CDHR3: variants seen among roughly 807,000 people sequenced by gnomAD.
CDHR3 encodes cadherin related family member 3, also known as cadherin-related family member 3.
A neutral mutation model predicts 86.6 loss-of-function variants in CDHR3; 79 were observed. The observed-to-expected ratio is 0.91, with a 90% CI of 0.76 to 1.10. The LOEUF (loss-of-function observed/expected upper bound fraction) is 1.10. Ranked by LOEUF, CDHR3 falls within the 50% of genes least tolerant of loss-of-function variation. The pLI is 0.00. For missense variants in CDHR3, 1,081 were observed against 1,077.6 expected, an observed-to-expected ratio of 1.00 and a Z score of -0.04; for synonymous variants, 421 against 402.4, an observed-to-expected ratio of 1.05 and a Z score of -0.55.
In CDHR3 at chr7:106,017,893, C is replaced by A. The variant is rs1249452543; in HGVS notation, c.1474C>A (p.Gln492Lys). The A allele has an allele frequency of 5.0e-6, 8 of 1,605,634 alleles. No individual in the cohort carries two copies. The African/African-American group carries it at 6.7e-5, about 13-fold the overall frequency. ...QVRATDKDLPQSSLLYSISTG... is the reference protein window; with the variant it reads ...QVRATDKDLPKSSLLYSISTG... ...GCGAGCCACTGATAAAGACCTCCCC[C>A]AGAGCAGCCTCCTGTACTCCATCTC... Residue 492 changes from glutamine (Q) to lysine (K), a missense_variant, in exon 12 of 19, where the codon CAG becomes AAG. Physicochemically the swap from Gln to Lys is moderately conservative, Grantham distance 53. Coordinates refer to ENST00000317716, the MANE Select transcript of CDHR3 (RefSeq NM_152750.5).
At chr7:106,019,403 TA>T (rs1489389299) in intron 12 of CDHR3, among the ~76,000 whole-genome samples, 1 of 151,114 alleles carries the variant, frequency 6.6e-6, no homozygotes, top group African/African-American at 2.4e-5. Context: ...TTTTTTTTTT[TA>T]AAGAAAATGA....
Position 106,033,315 on chromosome 7 carries a change from G to T in CDHR3, c.*618G>T, listed in dbSNP as rs115650707. 2.6e-5 allele frequency: 4 copies of T among 152,762 alleles called. No individual in the cohort carries two copies. Among genetic ancestry groups the T allele is most frequent in the African/African-American group, 9.6e-5 (4 of 41,562 alleles). The allele number at this position is 152,762 out of a possible 1,614,324, so 9.5% of individuals were successfully genotyped here. ...CATCCTGCATGTGAGATTCATCCAC[G>T]TTGTCCTGTCTAGCAGTAGTTCAGT... On this transcript the variant is annotated 3_prime_UTR_variant, in exon 19 of 19. Transcript: ENST00000317716.
In CDHR3 at chr7:105,989,212, A is replaced by AC. The variant is rs200212689; in HGVS notation, c.513+4926dup. Among the ~76,000 whole-genome samples, 314 of 83,750 alleles carry AC rather than the reference A, an allele frequency of 3.7e-3. 2 individuals carry two copies. Among genetic ancestry groups the AC allele is most frequent in the African/African-American group, 0.014 (278 of 19,398 alleles). 54.9% of individuals were successfully genotyped at this position (83,750 alleles called of 152,430 possible). A position where few individuals can be genotyped will look rare whatever the true frequency, so the allele number is the denominator to read the frequency against. On this transcript the variant is annotated intron_variant, in intron 4 of 18. Transcript: ENST00000317716. ...TTTTACTGGCATTTCTTCTTTGGGTACCCACCCCCCCACCTCTTCTCCACT... is the reference window on the plus strand; with the variant it reads ...TTTTACTGGCATTTCTTCTTTGGGTACCCCACCCCCCCACCTCTTCTCCACT...
intron 1 of CDHR3, among the ~76,000 whole-genome samples, chr7:105,968,930 T>C (rs567617015): frequency 6.7e-6 from 1 of 150,036 alleles, no homozygotes; most frequent in East Asian, 2.0e-4. Context: ...CTACTAAAAA[T>C]ACAAAAAGTT....
chr7:106,022,389 G>A lies in CDHR3; in HGVS notation c.2017G>A (p.Val673Met). 1.2e-6 allele frequency: 2 copies of A among 1,614,046 alleles called. No individual in the cohort carries two copies. Among genetic ancestry groups the A allele is most frequent in the East Asian group, 4.5e-5 (2 of 44,892 alleles). The change falls in exon 14 of 19, where the codon GTG (valine) becomes ATG (methionine). Residue 673 changes from valine (V) to methionine (M), a missense_variant. Physicochemically the swap from Val to Met is conservative, Grantham distance 21. Coordinates refer to ENST00000317716, the MANE Select transcript of CDHR3 (RefSeq NM_152750.5). ...KAEALVETGT[V>M]TLSIKVIPHP... Reference sequence around the variant, plus strand: ...GGAGGCTCTTGTTGAGACAGGAACAGTGACACTGAGTATTAAAGTCATTCC... The same window carrying A: ...GGAGGCTCTTGTTGAGACAGGAACAATGACACTGAGTATTAAAGTCATTCC...
At chr7:105,994,109 A>G (rs1433373018) in intron 4 of CDHR3, among the ~76,000 whole-genome samples, 1 of 152,188 alleles carries the variant, frequency 6.6e-6, no homozygotes, top group East Asian at 1.9e-4. Flanking sequence ...TTGTTCCTTC[A>G]GGCATTTCAA....
Position 106,032,380 on chromosome 7 carries a change from T to G in CDHR3, c.2354-13T>G, listed in dbSNP as rs75850640. 0.11 allele frequency: 183,509 copies of G among 1,595,950 alleles called. 11,590 individuals carry two copies. The highest frequency in any genetic ancestry group is 0.22 in the Middle Eastern group (1,345 of 5,996). On this transcript the variant is annotated splice_polypyrimidine_tract_variant and intron_variant, in intron 18 of 18. Coordinates refer to ENST00000317716, the MANE Select transcript of CDHR3 (RefSeq NM_152750.5). The stretch of plus-strand genomic sequence containing the variant: ...TTCTGGCTTATGTGATTGTTGTATT[T>G]TTTTTTCACTAGTGACCGGGGAAAC...
intron 8 of CDHR3, among the ~76,000 whole-genome samples, chr7:106,010,100 G>T (rs1293346547): frequency 2.0e-5 from 3 of 152,192 alleles, no homozygotes; most frequent in African/African-American, 7.2e-5. Context: ...GAAATGTCTG[G>T]CTTCGGGACC....
intron 2 of CDHR3, among the ~76,000 whole-genome samples, chr7:105,977,965 C>G (rs75684355): frequency 0.056 from 8,525 of 152,168 alleles, 394 homozygotes; most frequent in Admixed American, 0.12. Context: ...CCAGGAATTT[C>G]CCTAAATATT....
intron 8 of CDHR3, among the ~76,000 whole-genome samples, chr7:106,012,392 C>T (rs548050277): frequency 2.6e-5 from 4 of 152,024 alleles, no homozygotes; most frequent in South Asian, 2.1e-4. Context: ...GTGGGAGTCA[C>T]GTGAGTATTT....
At chr7:105,997,948 T>G (rs1832519819) in intron 6 of CDHR3, among the ~76,000 whole-genome samples, 1 of 152,062 alleles carries the variant, frequency 6.6e-6, no homozygotes, top group South Asian at 2.1e-4. Context: ...CGGTCTTTTT[T>G]TTTTTAAGTC....
intron 3 of CDHR3, among the ~76,000 whole-genome samples, chr7:105,982,987 A>AG (rs1479319399): frequency 2.0e-5 from 3 of 151,128 alleles, no homozygotes; most frequent in East Asian, 3.9e-4. Flanking sequence ...TATCTCAAAA[A>AG]AAAAAAAAAA....
In CDHR3 at chr7:106,036,410, A is replaced by G. The variant is rs552539429; in HGVS notation, c.*3713A>G. On this transcript the variant is annotated 3_prime_UTR_variant, in exon 19 of 19. Coordinates refer to ENST00000317716, the MANE Select transcript of CDHR3 (RefSeq NM_152750.5). ...TGTGTTTATCCTTCGTATTCATTCA[A>G]TAAATATCTGTGGAGCAACTACCAT... 1 of 152,330 alleles carries G rather than the reference A, an allele frequency of 6.6e-6. No individual in the cohort carries two copies. Among genetic ancestry groups the G allele is most frequent in the South Asian group, 2.1e-4 (1 of 4,822 alleles). The allele number at this position is 152,330 out of a possible 1,614,324, so 9.4% of individuals were successfully genotyped here.
Position 105,981,086 on chromosome 7 carries a change from T to TA in CDHR3, c.370dup (p.Thr124AsnfsTer34). 2 of 1,613,734 alleles carry TA rather than the reference T, an allele frequency of 1.2e-6. No individual in the cohort carries two copies. Among genetic ancestry groups the TA allele is most frequent in the Non-Finnish European group, 1.7e-6 (2 of 1,179,800 alleles). On this transcript the variant is annotated frameshift_variant, in exon 3 of 19. Transcript: ENST00000317716. LOFTEE classifies it high-confidence loss of function. Reference sequence around the variant, plus strand: ...GACCTGCAAGTCCTGACTGTCCAGGTAACAGATGTGAACGAGCCACCTCAG... The same window carrying TA: ...GACCTGCAAGTCCTGACTGTCCAGGTAAACAGATGTGAACGAGCCACCTCAG...
chr7:105,993,192 C>A (rs533809208), intron 4 of CDHR3, among the ~76,000 whole-genome samples: 5 of 152,310 alleles, frequency 3.3e-5, no homozygotes, highest in African/African-American at 1.2e-4. Context: ...AATAATGAAA[C>A]CTTCTAACCT....
chr7:105,990,366 C>T (rs758638642), intron 4 of CDHR3, among the ~76,000 whole-genome samples: 29 of 152,124 alleles, frequency 1.9e-4, no homozygotes, highest in African/African-American at 2.7e-4. Context: ...AGTTTTTTAA[C>T]GATAGTTTTT....
rs746517441 is a variant in CDHR3, at chr7:105,963,329, C to A, written c.11C>A (p.Ala4Glu). The A allele has an allele frequency of 6.2e-7, 1 of 1,613,900 alleles. No individual in the cohort carries two copies. The highest frequency in any genetic ancestry group is 1.3e-5 in the African/African-American group (1 of 74,940). The change falls in exon 1 of 19, where the codon GCA becomes GAA. Residue 4 changes from alanine to glutamate, a missense_variant. Coordinates refer to ENST00000317716, the MANE Select transcript of CDHR3 (RefSeq NM_152750.5). Reference protein sequence around the residue: MQEAIILLALLGAM... With the variant: MQEEIILLALLGAM... ...TTGTGACCATCAAGTATGCAGGAAG[C>A]AATCATTCTCCTGGCTCTCCTGGGT...
intron 17 of CDHR3, among the ~76,000 whole-genome samples, chr7:106,028,924 CTTTCTTTCTTT>C (rs1837824150): frequency 1.1e-5 from 1 of 89,994 alleles, no homozygotes; most frequent in South Asian, 4.2e-4. Flanking sequence ...AATTTTCTTT[CTTTCTTTCTTT>C]CTTTCTTTCT....
chr7:105,971,482 G>T (rs182062394), intron 1 of CDHR3, among the ~76,000 whole-genome samples: 1 of 152,226 alleles, frequency 6.6e-6, no homozygotes, highest in South Asian at 2.1e-4. Flanking sequence ...CAAGGAGGAC[G>T]ATAAAAAACA....
Sources: allele counts gnomAD v4.1 joint callset (sites outside exome capture counted in the v4.1 genomes callset), GRCh38; gene constraint gnomAD v4.1.1; transcripts MANE v1.5; gene names NCBI Gene and HGNC (gene_info 2026-07-23, HGNC 2026-07-21).